Variants in VKORC1L1 observed in about 807,000 individuals in gnomAD.
The protein encoded by VKORC1L1 is vitamin K epoxide reductase complex subunit 1L1.
Under a neutral mutation model 18.9 loss-of-function variants are expected in VKORC1L1, and 2 were observed. The ratio of observed to expected loss-of-function variants is 0.11; its 90% CI spans 0.04 to 0.33. The LOEUF is 0.33. Ranked by LOEUF, VKORC1L1 falls within the 10% of genes least tolerant of loss-of-function variation. The pLI is 1.00. For synonymous variants in VKORC1L1, 96 were observed against 100.0 expected (o/e 0.96, Z 0.24); for missense variants, 123 against 224.1 (o/e 0.55, Z 2.88).
At chr7:65,875,184 G>A (rs752951716) in intron 1 of VKORC1L1, among the ~76,000 whole-genome samples, 2 of 152,114 alleles carry the variant, frequency 1.3e-5, no homozygotes, top group African/African-American at 4.8e-5. Context: ...TGTTCAATTT[G>A]ATCAGCCTGT....
Position 65,908,135 on chromosome 7 carries a change from G to A in VKORC1L1, c.194+34570G>A, listed in dbSNP as rs544042527. Among the ~76,000 whole-genome samples the A allele has an allele frequency of 6.6e-5, 10 of 152,222 alleles. No homozygotes were observed. The East Asian group carries it at 1.9e-3, about 29-fold the overall frequency. On this transcript the variant is annotated intron_variant, in intron 1 of 2. Coordinates refer to ENST00000360768, the MANE Select transcript of VKORC1L1 (RefSeq NM_173517.6). ...TCAGTTAATAGAAATTTATTTGGCT[G>A]GGTGCTGTGGCTCATGCCTGTAATC...
chr7:65,920,662 G>A (rs927104172), intron 1 of VKORC1L1, among the ~76,000 whole-genome samples: 4 of 152,204 alleles, frequency 2.6e-5, no homozygotes, highest in Non-Finnish European at 5.9e-5. Context: ...CTGTGGTGTC[G>A]TGTCCTTTCT....
At chr7:65,875,510 C>T (rs1214670105) in intron 1 of VKORC1L1, among the ~76,000 whole-genome samples, 9 of 152,144 alleles carry the variant, frequency 5.9e-5, no homozygotes, top group African/African-American at 1.7e-4. Flanking sequence ...CTCCACCTCC[C>T]GGGTTCACTC....
chr7:65,895,474 AAAAAAAATATATATATATAT>A (rs1203110205), intron 1 of VKORC1L1, among the ~76,000 whole-genome samples: 19 of 45,112 alleles, frequency 4.2e-4, no homozygotes, highest in African/African-American at 1.8e-3. Context: ...AAAAAAAAAA[AAAAAAAATATATATATATAT>A]ATATATATAT....
intron 1 of VKORC1L1, among the ~76,000 whole-genome samples, chr7:65,922,405 C>T (rs1341388374): frequency 2.0e-5 from 3 of 152,054 alleles, no homozygotes; most frequent in South Asian, 2.1e-4. Context: ...CTCAGCCTCC[C>T]GAGTAGCTGG....
intron 1 of VKORC1L1, among the ~76,000 whole-genome samples, chr7:65,881,363 T>C (rs1788924867): frequency 6.6e-6 from 1 of 152,116 alleles, no homozygotes; most frequent in African/African-American, 2.4e-5. Flanking sequence ...CTCAAGAGAG[T>C]TAATACTGAG....
chr7:65,931,761 C>T (rs964303603), intron 1 of VKORC1L1, among the ~76,000 whole-genome samples: 3 of 152,000 alleles, frequency 2.0e-5, no homozygotes, highest in African/African-American at 4.8e-5. Context: ...CATGCCTTGA[C>T]CTGCAGAATA....
intron 1 of VKORC1L1, among the ~76,000 whole-genome samples, chr7:65,922,265 G>A (rs1437659537): frequency 6.6e-6 from 1 of 150,904 alleles, no homozygotes; most frequent in African/African-American, 2.4e-5. Flanking sequence ...CTTCTGTCTA[G>A]GATCATGTTC....
At chr7:65,934,674 C>T (rs1223571015) in intron 1 of VKORC1L1, among the ~76,000 whole-genome samples, 1 of 152,086 alleles carries the variant, frequency 6.6e-6, no homozygotes, top group African/African-American at 2.4e-5. Context: ...ATAATGTTCT[C>T]CAATTCCATC....
At position 65,955,155 on chromosome 7, in the gene VKORC1L1, G is replaced by A. The variant is rs1312647371; in HGVS notation, c.*855G>A. On this transcript the variant is annotated 3_prime_UTR_variant, in exon 3 of 3. Transcript: ENST00000360768. The stretch of plus-strand genomic sequence containing the variant: ...TTCAGACACTAAGGATGGGAAAATG[G>A]GTATTTTTCTTTGGAGAAAAGCTGG... 1 of 152,068 alleles carries A rather than the reference G, an allele frequency of 6.6e-6. No individual in the cohort carries two copies. The allele number at this position is 152,068 out of a possible 1,614,324, so 9.4% of individuals were successfully genotyped here. A position where few individuals can be genotyped will look rare whatever the true frequency, so the allele number is the denominator to read the frequency against.
Position 65,929,680 on chromosome 7 carries a change from G to GTATATATATATATA in VKORC1L1, c.195-18990_195-18989insATATATATATATAT, listed in dbSNP as rs150255530. Among the ~76,000 whole-genome samples the GTATATATATATATA allele has an allele frequency of 3.1e-3, 320 of 103,712 alleles. 1 individual carries two copies. The highest frequency in any genetic ancestry group is 0.01 in the African/African-American group (244 of 24,368). 68.0% of individuals were successfully genotyped at this position (103,712 alleles called of 152,430 possible). Reference sequence around the variant, plus strand: ...TATGTGTGTGTGTGTATGTGTGTGTGTGTATATATATATATATATATATGG... The same window carrying GTATATATATATATA: ...TATGTGTGTGTGTGTATGTGTGTGTGTATATATATATATATGTATATATATATATATATATATGG... On this transcript the variant is annotated intron_variant, in intron 1 of 2. Transcript: ENST00000360768.
At chr7:65,866,876 G>T in the VKORC1L1 span, among the ~76,000 whole-genome samples, 1 of 151,934 alleles carries the variant, frequency 6.6e-6, no homozygotes, top group African/African-American at 2.4e-5. Context: ...GAGGAGGAGG[G>T]GGAAGAAGAG....
chr7:65,950,395 T>C (rs12113646), intron 2 of VKORC1L1, among the ~76,000 whole-genome samples: 6,583 of 152,224 alleles, frequency 0.043, 474 homozygotes, highest in African/African-American at 0.15. Context: ...TGCATACCAA[T>C]GCTTTTGTAT....
At chr7:65,946,990 AATATAT>A (rs1554302042) in intron 1 of VKORC1L1, among the ~76,000 whole-genome samples, 1 of 151,072 alleles carries the variant, frequency 6.6e-6, no homozygotes, top group African/African-American at 2.4e-5. Flanking sequence ...CCAAAAAAAA[AATATAT>A]ATATATAGCT....
chr7:65,924,728 A>G (rs1214045973), intron 1 of VKORC1L1, among the ~76,000 whole-genome samples: 1 of 152,202 alleles, frequency 6.6e-6, no homozygotes, highest in East Asian at 1.9e-4. Context: ...GTGGTCTTCA[A>G]ATTGGGTGAA....
chr7:65,899,855 C>T (rs1037356793), intron 1 of VKORC1L1, among the ~76,000 whole-genome samples: 2 of 152,032 alleles, frequency 1.3e-5, no homozygotes, highest in African/African-American at 4.8e-5. Flanking sequence ...CAAAAATTAG[C>T]CAGGCGTGGT....
chr7:65,874,353 A>G (rs1788788653), intron 1 of VKORC1L1, among the ~76,000 whole-genome samples: 1 of 151,830 alleles, frequency 6.6e-6, no homozygotes, highest in African/African-American at 2.4e-5. Context: ...TAGGCATTGG[A>G]ATGACTTTTA....
At chr7:65,896,225 A>G (rs2116376556) in intron 1 of VKORC1L1, among the ~76,000 whole-genome samples, 1 of 151,996 alleles carries the variant, frequency 6.6e-6, no homozygotes, top group East Asian at 1.9e-4. Flanking sequence ...TCTTTTGTTT[A>G]ACATGTCTAT....
At position 65,915,155 on chromosome 7, in the gene VKORC1L1, G is replaced by C. The variant is rs374626180; in HGVS notation, c.195-33516G>C. Reference sequence around the variant, plus strand: ...TGCCCAGGCTGGAGTGCAGTGGCTCGATCTCGGCTCACTGCAAGCTCCGCC... The same window carrying C: ...TGCCCAGGCTGGAGTGCAGTGGCTCCATCTCGGCTCACTGCAAGCTCCGCC... On this transcript the variant is annotated intron_variant, in intron 1 of 2. Transcript: ENST00000360768. Among the ~76,000 whole-genome samples the C allele has an allele frequency of 3.5e-5, 5 of 143,748 alleles. No homozygotes were observed. The South Asian group carries it at 1.1e-3, about 31-fold the overall frequency. 94.3% of individuals were successfully genotyped at this position (143,748 alleles called of 152,430 possible). A position where few individuals can be genotyped will look rare whatever the true frequency, so the allele number is the denominator to read the frequency against.
Sources: gnomAD v4.1 joint callset for allele counts (sites outside exome capture counted in the v4.1 genomes callset) on GRCh38, gnomAD v4.1.1 for gene constraint, MANE v1.5 for transcripts, NCBI Gene and HGNC (gene_info 2026-07-23, HGNC 2026-07-21) for gene names.